CAST: variants seen among roughly 807,000 people sequenced by gnomAD.
CAST encodes the protein calpastatin.
A neutral mutation model predicts 119.6 loss-of-function variants in CAST; 76 were observed. The observed-to-expected ratio is 0.64, with a 90% CI of 0.53 to 0.77. The LOEUF is 0.77. Ranked by LOEUF, CAST falls within the 30% of genes least tolerant of loss-of-function variation. The probability of loss-of-function intolerance (pLI) is 0.00; values close to 1 mark genes in which losing one functional copy is unlikely to be tolerated. For missense variants in CAST, 953 were observed against 946.5 expected (o/e 1.01, Z -0.09); for synonymous variants, 319 against 331.6 (o/e 0.96, Z 0.41).
chr5:96,639,300 T>C (rs1247974946), intron 1 of CAST, among the ~76,000 whole-genome samples: 2 of 152,154 alleles, frequency 1.3e-5, no homozygotes, highest in African/African-American at 4.8e-5. Flanking sequence ...TGGAGAGTGC[T>C]GTAGGATTCC....
At chr5:96,582,072 T>C (rs1014236578) in intron 1 of CAST, among the ~76,000 whole-genome samples, 2 of 152,166 alleles carry the variant, frequency 1.3e-5, no homozygotes, top group African/African-American at 4.8e-5. Flanking sequence ...TAAGAAATAC[T>C]GTTTGGGAAA....
chr5:96,541,968 T>A (rs1745921662), intron 1 of CAST, among the ~76,000 whole-genome samples: 1 of 152,206 alleles, frequency 6.6e-6, no homozygotes, highest in South Asian at 2.1e-4. Flanking sequence ...TTAAATTCAA[T>A]TGGCTAAATA....
chr5:96,764,544 C>G (rs921267530), intron 25 of CAST, among the ~76,000 whole-genome samples: 1 of 152,154 alleles, frequency 6.6e-6, no homozygotes, highest in African/African-American at 2.4e-5. Flanking sequence ...TCTTTCAGGG[C>G]ACTCATCACC....
the CAST span, among the ~76,000 whole-genome samples, chr5:96,277,814 A>G: frequency 3.9e-5 from 6 of 152,146 alleles, no homozygotes; most frequent in East Asian, 7.7e-4. Context: ...ATGAATTTCA[A>G]TGTATTTATA....
intron 1 of CAST, among the ~76,000 whole-genome samples, chr5:96,631,251 A>G (rs1168785561): frequency 7.1e-6 from 1 of 141,038 alleles, no homozygotes; most frequent in Non-Finnish European, 1.6e-5. Flanking sequence ...ACCTGTCAGC[A>G]ATTAGTCCCA....
At chr5:96,424,814 T>G in the CAST span, among the ~76,000 whole-genome samples, 1 of 151,614 alleles carries the variant, frequency 6.6e-6, no homozygotes, top group African/African-American at 2.4e-5. Flanking sequence ...AATACAAAAA[T>G]TAGCTGGGCA....
intron 1 of CAST, among the ~76,000 whole-genome samples, chr5:96,647,852 G>A (rs1255880778): frequency 6.6e-6 from 1 of 152,108 alleles, no homozygotes; most frequent in African/African-American, 2.4e-5. Context: ...AATTTATGTT[G>A]TTCTAAGCCA....
the CAST span, among the ~76,000 whole-genome samples, chr5:96,341,596 T>G: frequency 6.6e-6 from 1 of 152,088 alleles, no homozygotes; most frequent in Non-Finnish European, 1.5e-5. Context: ...CCTTTCTGGG[T>G]GTTTTTCTTT....
the CAST span, among the ~76,000 whole-genome samples, chr5:96,292,950 C>A: frequency 6.6e-6 from 1 of 152,216 alleles, no homozygotes; most frequent in African/African-American, 2.4e-5. Flanking sequence ...AGAGTCCCGA[C>A]TGATATAGTT....
chr5:96,277,689 G>C, the CAST span, among the ~76,000 whole-genome samples: 1 of 151,868 alleles, frequency 6.6e-6, no homozygotes, highest in Non-Finnish European at 1.5e-5. Context: ...AGAAACTAAA[G>C]GGATGTGAGT....
chr5:96,563,436 G>A (rs185649423), intron 1 of CAST, among the ~76,000 whole-genome samples: 19 of 152,192 alleles, frequency 1.2e-4, no homozygotes, highest in East Asian at 9.6e-4. Context: ...TAAAGTTTGC[G>A]TAGTATTCCA....
chr5:96,348,588 A>G, the CAST span, among the ~76,000 whole-genome samples: 1 of 152,150 alleles, frequency 6.6e-6, no homozygotes. Flanking sequence ...TATAGTTCCA[A>G]TCAGATGGTT....
In CAST at chr5:96,767,926, A is replaced by G. The variant is rs1209736015; in HGVS notation, c.2195A>G (p.Asp732Gly). ...EDSKKPADDQDPIDALSGDLD... is the reference protein window; with the variant it reads ...EDSKKPADDQGPIDALSGDLD... ...TCTCAGAAACCTGCAGATGACCAAGACCCCATTGATGCTCTCTCAGGAGAT... is the reference window on the plus strand; with the variant it reads ...TCTCAGAAACCTGCAGATGACCAAGGCCCCATTGATGCTCTCTCAGGAGAT... Residue 732 changes from aspartate (D) to glycine (G), a missense_variant, in exon 29 of 32, where the codon GAC (aspartate) becomes GGC (glycine). By Grantham distance (94) the Asp-to-Gly change is moderately conservative (BLOSUM62 -1). Transcript: ENST00000675179. 3 of 1,613,010 alleles carry G rather than the reference A, an allele frequency of 1.9e-6. No individual in the cohort carries two copies. Among genetic ancestry groups the G allele is most frequent in the Non-Finnish European group, 2.5e-6 (3 of 1,179,308 alleles).
At chr5:96,231,091 ACATAGATTTAC>A in the CAST span, among the ~76,000 whole-genome samples, 2 of 152,164 alleles carry the variant, frequency 1.3e-5, no homozygotes, top group Non-Finnish European at 2.9e-5. Context: ...AAAATGGTAA[ACATAGATTTAC>A]CATATGATCT....
At chr5:96,412,458 CA>C in the CAST span, 1 of 1,614,056 alleles carries the variant, frequency 6.2e-7, no homozygotes, top group Non-Finnish European at 8.5e-7. Flanking sequence ...GCCTCAATAG[CA>C]TCCGTCACAA....
chr5:96,192,038 C>T, the CAST span, among the ~76,000 whole-genome samples: 1 of 152,136 alleles, frequency 6.6e-6, no homozygotes, highest in Non-Finnish European at 1.5e-5. Context: ...CATATTTGTG[C>T]TCCAAGTTGT....
the CAST span, among the ~76,000 whole-genome samples, chr5:95,979,825 AG>A: frequency 6.6e-5 from 10 of 152,322 alleles, no homozygotes; most frequent in East Asian, 1.7e-3. Flanking sequence ...AATTTTTAAA[AG>A]TAGAAGTGTG....
At chr5:96,341,143 T>A in the CAST span, among the ~76,000 whole-genome samples, 1 of 152,220 alleles carries the variant, frequency 6.6e-6, no homozygotes, top group African/African-American at 2.4e-5. Flanking sequence ...TAAATAATCA[T>A]GATTCTCAGA....
chr5:96,748,678 C>T, intron 19 of CAST, 65 bp downstream of exon 19: 2 of 789,728 alleles, frequency 2.5e-6, no homozygotes, highest in East Asian at 2.6e-5. Flanking sequence ...AATTGTGAGA[C>T]AGACTGTTTT....
Sources: gnomAD v4.1 joint callset for allele counts (sites outside exome capture counted in the v4.1 genomes callset) on GRCh38, gnomAD v4.1.1 for gene constraint, MANE v1.5 for transcripts, NCBI Gene and HGNC (gene_info 2026-07-23, HGNC 2026-07-21) for gene names.